The following SLC24A2 variants were observed in gnomAD, a reference collection of about 807,000 sequenced individuals.
The protein encoded by SLC24A2 is sodium/potassium/calcium exchanger 2.
SLC24A2 carries 36 observed loss-of-function variants against 62.0 expected under a neutral mutation model. The ratio of observed to expected loss-of-function variants is 0.58; its 90% CI spans 0.44 to 0.77. The LOEUF is 0.77. SLC24A2 is among the 30% of genes least tolerant of loss of function. The pLI, the probability that SLC24A2 is intolerant of heterozygous loss-of-function variation, is 0.00. For synonymous variants in SLC24A2, 358 were observed against 294.0 expected (o/e 1.22, Z -2.23); for missense variants, 846 against 817.9 (o/e 1.03, Z -0.42).
the SLC24A2 span, among the ~76,000 whole-genome samples, chr9:19,915,238 T>C: frequency 2.6e-5 from 4 of 152,160 alleles, no homozygotes; most frequent in African/African-American, 7.2e-5. Flanking sequence ...TCAAGTCTCA[T>C]ATATGGTGTA....
rs775086516 is a variant in SLC24A2, at chr9:19,516,104, AGT to A, written c.*47_*48del. ...AGAGGTCAAGGAGCCCAGAGCCCAG[AGT>A]GTGGAGGGACCATTCATGCTGCTGG... On this transcript the variant is annotated 3_prime_UTR_variant, in exon 11 of 11. Transcript: ENST00000341998. 11 of 1,611,890 alleles carry A rather than the reference AGT, an allele frequency of 6.8e-6. No homozygotes were observed. The African/African-American group carries it at 1.5e-4, about 22-fold the overall frequency.
chr9:19,659,800 G>A (rs1819044517), intron 2 of SLC24A2, among the ~76,000 whole-genome samples: 1 of 152,110 alleles, frequency 6.6e-6, no homozygotes, highest in South Asian at 2.1e-4. Context: ...CACTTGGAAT[G>A]GTACAAGTGA....
chr9:19,650,176 A>G (rs1564017586), intron 2 of SLC24A2, among the ~76,000 whole-genome samples: 2 of 152,228 alleles, frequency 1.3e-5, no homozygotes, highest in Non-Finnish European at 2.9e-5. Flanking sequence ...GTAAGCTTTT[A>G]TTGGCAGATT....
At chr9:20,224,166 A>G in the SLC24A2 span, among the ~76,000 whole-genome samples, 3 of 152,092 alleles carry the variant, frequency 2.0e-5, no homozygotes, top group Admixed American at 2.0e-4. Context: ...CACAGAGCCA[A>G]ACAATACCTT....
intron 2 of SLC24A2, among the ~76,000 whole-genome samples, chr9:19,758,046 T>G (rs1349761213): frequency 1.3e-5 from 2 of 152,132 alleles, no homozygotes; most frequent in Non-Finnish European, 2.9e-5. Flanking sequence ...TGTAGAACCA[T>G]GAGCTAAATA....
the SLC24A2 span, among the ~76,000 whole-genome samples, chr9:20,173,070 A>G: frequency 6.6e-6 from 1 of 152,134 alleles, no homozygotes; most frequent in African/African-American, 2.4e-5. Context: ...AAAAAGAATT[A>G]AAAGCAAAAA....
chr9:20,185,020 A>T, the SLC24A2 span, among the ~76,000 whole-genome samples: 1 of 152,060 alleles, frequency 6.6e-6, no homozygotes, highest in Non-Finnish European at 1.5e-5. Context: ...CCATGATCTC[A>T]CTTACATATG....
At chr9:20,211,125 CAA>C in the SLC24A2 span, among the ~76,000 whole-genome samples, 50 of 151,520 alleles carry the variant, frequency 3.3e-4, no homozygotes, top group African/African-American at 1.1e-3. Flanking sequence ...AAAAAAGAGA[CAA>C]AGTTTGAATA....
chr9:20,218,850 C>T, the SLC24A2 span, among the ~76,000 whole-genome samples: 3 of 152,110 alleles, frequency 2.0e-5, no homozygotes, highest in Admixed American at 2.0e-4. Context: ...TCTCCACTAC[C>T]GAGTCTCATC....
the SLC24A2 span, among the ~76,000 whole-genome samples, chr9:20,061,955 C>G: frequency 6.6e-6 from 1 of 152,086 alleles, no homozygotes; most frequent in African/African-American, 2.4e-5. Flanking sequence ...TTGTATCTAG[C>G]CTGAGCATGC....
At chr9:20,306,630 C>T in the SLC24A2 span, among the ~76,000 whole-genome samples, 1 of 152,204 alleles carries the variant, frequency 6.6e-6, no homozygotes, top group South Asian at 2.1e-4. Context: ...TGTTGGGTGT[C>T]TTTGTGTCAT....
chr9:19,982,198 G>A, the SLC24A2 span, among the ~76,000 whole-genome samples: 14 of 152,296 alleles, frequency 9.2e-5, no homozygotes, highest in East Asian at 1.9e-4. Context: ...AAAAGAAACA[G>A]AGTGTACAAT....
chr9:19,630,462 C>T (rs1349069839), intron 2 of SLC24A2, among the ~76,000 whole-genome samples: 1 of 151,984 alleles, frequency 6.6e-6, no homozygotes, highest in African/African-American at 2.4e-5. Context: ...AAACTTTGAA[C>T]CTCAAAGAGA....
At chr9:20,188,578 A>G in the SLC24A2 span, among the ~76,000 whole-genome samples, 1 of 152,204 alleles carries the variant, frequency 6.6e-6, no homozygotes, top group African/African-American at 2.4e-5. Flanking sequence ...GGATTTTGAA[A>G]TGGGGAGAAT....
intron 2 of SLC24A2, among the ~76,000 whole-genome samples, chr9:19,706,230 G>C (rs1239948540): frequency 6.6e-6 from 1 of 151,624 alleles, no homozygotes; most frequent in Non-Finnish European, 1.5e-5. Context: ...TTTAAAGTCT[G>C]TTTTATCAGA....
chr9:19,869,050 C>G, the SLC24A2 span, among the ~76,000 whole-genome samples: 3 of 152,034 alleles, frequency 2.0e-5, no homozygotes, highest in Non-Finnish European at 2.9e-5. Flanking sequence ...GGCAGGAACA[C>G]GGCTCACTGC....
At chr9:20,292,012 G>C in the SLC24A2 span, among the ~76,000 whole-genome samples, 1 of 152,136 alleles carries the variant, frequency 6.6e-6, no homozygotes, top group Non-Finnish European at 1.5e-5. Flanking sequence ...GTGGAAAATT[G>C]GGTCAAATCA....
rs1490101399 is a variant in SLC24A2 at position 19,520,880 on chromosome 9, C to G, written c.1736+14G>C. ...GGAGCTGGTGCACACCTTTGTAGAA[C>G]TACCTCTACTCACCCTACAGTGATG... On this transcript the variant is annotated intron_variant, in intron 10 of 10. Coordinates refer to ENST00000341998, the MANE Select transcript of SLC24A2 (RefSeq NM_020344.4). 6.2e-7 allele frequency: 1 copy of G among 1,612,954 alleles called. No individual in the cohort carries two copies. The highest frequency in any genetic ancestry group is 1.3e-5 in the African/African-American group (1 of 74,890).
the SLC24A2 span, among the ~76,000 whole-genome samples, chr9:20,271,965 C>G: frequency 2.6e-4 from 36 of 139,288 alleles, no homozygotes; most frequent in African/African-American, 4.9e-4. Context: ...TGCTGCCCAT[C>G]TGGAGGGGGA....
Sources: allele counts gnomAD v4.1 joint callset (sites outside exome capture counted in the v4.1 genomes callset), GRCh38; gene constraint gnomAD v4.1.1; transcripts MANE v1.5; gene names NCBI Gene and HGNC (gene_info 2026-07-23, HGNC 2026-07-21).